The following ATG7 variants were observed in gnomAD, a reference collection of about 807,000 sequenced individuals.
ATG7 encodes the protein autophagy related 7, also known as ubiquitin-like modifier-activating enzyme ATG7.
In ATG7, 70 loss-of-function variants were observed where a neutral mutation model predicts 82.4. The ratio of observed to expected loss-of-function variants is 0.85; its 90% confidence interval spans 0.70 to 1.04. ATG7 has a LOEUF of 1.04. Among genes scored for constraint, ATG7 ranks in the 50% least tolerant of loss-of-function variants. ATG7 has a pLI of 0.00. For missense variants in ATG7, 792 were observed against 864.3 expected (o/e 0.92, Z 1.05); for synonymous variants, 287 against 313.0 (o/e 0.92, Z 0.88).
intron 20 of ATG7, among the ~76,000 whole-genome samples, chr3:11,542,325 C>G (rs540739033): frequency 5.3e-5 from 8 of 152,314 alleles, no homozygotes; most frequent in African/African-American, 1.9e-4. Flanking sequence ...ATAGCGGGAC[C>G]CTGAGGTCCA....
At chr3:11,516,043 A>C (rs898264748) in intron 20 of ATG7, among the ~76,000 whole-genome samples, 2 of 151,408 alleles carry the variant, frequency 1.3e-5, no homozygotes, top group Admixed American at 6.6e-5. Flanking sequence ...AAAAAAAAAA[A>C]AAACAAAAAA....
At chr3:11,364,906 A>G (rs569391778) in intron 18 of ATG7, among the ~76,000 whole-genome samples, 172 bp downstream of exon 18, 1 of 152,332 alleles carries the variant, frequency 6.6e-6, no homozygotes, top group African/African-American at 2.4e-5. Context: ...ATTCTGCGGG[A>G]TAGTGATGGG....
intron 20 of ATG7, among the ~76,000 whole-genome samples, chr3:11,464,305 G>A (rs1008165709): frequency 2.6e-5 from 4 of 152,320 alleles, no homozygotes; most frequent in East Asian, 1.9e-4. Context: ...CCAAGAGGTC[G>A]AGACTGCAGT....
intron 19 of ATG7, among the ~76,000 whole-genome samples, chr3:11,398,374 A>G (rs1234652322): frequency 6.6e-6 from 1 of 152,200 alleles, no homozygotes; most frequent in Non-Finnish European, 1.5e-5. Flanking sequence ...GTATAGATGT[A>G]TACTGATTCC....
At chr3:11,357,361 A>G (rs537949665) in intron 14 of ATG7, among the ~76,000 whole-genome samples, 8 of 152,284 alleles carry the variant, frequency 5.3e-5, no homozygotes, top group Admixed American at 4.6e-4. Context: ...AAAAATCCCA[A>G]TTCAGGGGAA....
At chr3:11,454,901 T>C (rs964912877) in intron 20 of ATG7, among the ~76,000 whole-genome samples, 1 of 152,192 alleles carries the variant, frequency 6.6e-6, no homozygotes, top group African/African-American at 2.4e-5. Flanking sequence ...AGCACTACTA[T>C]AGAGAGGACA....
chr3:11,312,737 A>T (rs1340405040), intron 7 of ATG7, among the ~76,000 whole-genome samples: 1 of 152,266 alleles, frequency 6.6e-6, no homozygotes, highest in Non-Finnish European at 1.5e-5. Flanking sequence ...TACATATGTG[A>T]ATAGCACAGC....
chr3:11,384,038 T>C (rs2078126551), intron 19 of ATG7, among the ~76,000 whole-genome samples: 1 of 152,208 alleles, frequency 6.6e-6, no homozygotes, highest in Non-Finnish European at 1.5e-5. Context: ...TCCCAGTCAA[T>C]TCTGGGGGAA....
intron 3 of ATG7, among the ~76,000 whole-genome samples, chr3:11,284,068 T>C (rs1943527586): frequency 6.6e-6 from 1 of 152,236 alleles, no homozygotes; most frequent in African/African-American, 2.4e-5. Context: ...CCTGTGTGTC[T>C]AGCTTCCCCT....
intron 20 of ATG7, among the ~76,000 whole-genome samples, chr3:11,448,103 C>T (rs982107136): frequency 6.6e-6 from 1 of 152,194 alleles, no homozygotes; most frequent in African/African-American, 2.4e-5. Context: ...ACTCTGCTTT[C>T]TGGATTTACC....
chr3:11,451,025 A>G (rs892233492), intron 20 of ATG7, among the ~76,000 whole-genome samples: 2 of 152,238 alleles, frequency 1.3e-5, no homozygotes, highest in Non-Finnish European at 2.9e-5. Flanking sequence ...ATTATGGCAC[A>G]GGAAAATCTC....
intron 3 of ATG7, chr3:11,288,615 C>G (rs1944460435): frequency 6.6e-6 from 1 of 152,094 alleles, no homozygotes; most frequent in South Asian, 2.1e-4. Flanking sequence ...GAAAATAAGT[C>G]TCCCCACACT....
At chr3:11,535,705 A>C (rs1195640335) in intron 20 of ATG7, among the ~76,000 whole-genome samples, 1 of 152,152 alleles carries the variant, frequency 6.6e-6, no homozygotes, top group Non-Finnish European at 1.5e-5. Flanking sequence ...CTTGGTAAAG[A>C]AGCGGGGGCG....
intron 18 of ATG7, among the ~76,000 whole-genome samples, chr3:11,378,684 CCAAAAAA>C (rs2077631352): frequency 8.7e-5 from 2 of 23,002 alleles, no homozygotes; most frequent in African/African-American, 2.4e-4. Flanking sequence ...GACTCCATCT[CCAAAAAA>C]AAAAAAAAAA....
At chr3:11,528,995 G>A (rs2092641849) in intron 20 of ATG7, among the ~76,000 whole-genome samples, 1 of 152,058 alleles carries the variant, frequency 6.6e-6, no homozygotes, top group Admixed American at 6.6e-5. Context: ...CAGAATGGAT[G>A]GGAACTGCAA....
At chr3:11,354,713 C>T (rs186538753) in intron 14 of ATG7, among the ~76,000 whole-genome samples, 17 of 150,004 alleles carry the variant, frequency 1.1e-4, no homozygotes, top group Admixed American at 9.9e-4. Flanking sequence ...GGTTTTAAAA[C>T]CCAAATCTGG....
chr3:11,544,666 G>A (rs1016738360), intron 20 of ATG7, among the ~76,000 whole-genome samples: 2 of 152,254 alleles, frequency 1.3e-5, no homozygotes, highest in African/African-American at 2.4e-5. Flanking sequence ...AGGGCCTGAC[G>A]TGCTGGAGTC....
intron 18 of ATG7, among the ~76,000 whole-genome samples, chr3:11,370,052 T>C (rs935695060): frequency 1.3e-5 from 2 of 151,136 alleles, no homozygotes; most frequent in Non-Finnish European, 2.9e-5. Context: ...GGGGATAATA[T>C]AATAAGCTCT....
intron 20 of ATG7, among the ~76,000 whole-genome samples, chr3:11,455,767 G>C (rs999713694): frequency 2.0e-5 from 3 of 152,064 alleles, no homozygotes; most frequent in Non-Finnish European, 4.4e-5. Context: ...CCTTAATCAA[G>C]CTGATTTACT....
Sources: gnomAD v4.1 joint callset for allele counts (sites outside exome capture counted in the v4.1 genomes callset) on GRCh38, gnomAD v4.1.1 for gene constraint, MANE v1.5 for transcripts, NCBI Gene and HGNC (gene_info 2026-07-23, HGNC 2026-07-21) for gene names.